Variants in GPR108 observed in about 807,000 individuals in gnomAD.
The protein encoded by GPR108 is protein GPR108.
Under a neutral mutation model 74.3 loss-of-function variants are expected in GPR108, and 60 were observed. The observed-to-expected ratio is 0.81, with a 90% confidence interval of 0.66 to 1.00. GPR108 has a LOEUF of 1.00. Among genes scored for constraint, GPR108 ranks in the 50% least tolerant of loss-of-function variants. The pLI is 0.00. For synonymous variants in GPR108, 311 were observed against 292.4 expected, an observed-to-expected ratio of 1.06 and a Z score of -0.65; for missense variants, 667 against 703.3, an observed-to-expected ratio of 0.95 and a Z score of 0.58.
intron 17 of GPR108, 150 bp downstream of exon 17, chr19:6,730,837 C>A: frequency 1.1e-6 from 1 of 950,028 alleles, no homozygotes. Flanking sequence ...CCCCCCATCT[C>A]CCCTCCATCC....
At chr19:6,736,969 G>C (rs970073935) in intron 1 of GPR108, 1 of 499,572 alleles carries the variant, frequency 2.0e-6, no homozygotes. Context: ...GGTGAGCACC[G>C]CCCGGAGAAC....
rs1968335918 is a variant in GPR108 at position 6,730,304 on chromosome 19, G to A, written c.*8C>T. 2 of 1,612,182 alleles carry A rather than the reference G, an allele frequency of 1.2e-6. No homozygotes were observed. The highest frequency in any genetic ancestry group is 1.3e-5 in the African/African-American group (1 of 74,892). On this transcript the variant is annotated 3_prime_UTR_variant, in exon 18 of 18. Transcript: ENST00000264080. ...AGGACGACCCTTTGGTCTGAGATGTGGAGGTGATCATAACAGTTCCCGCCC... is the reference window on the plus strand; with the variant it reads ...AGGACGACCCTTTGGTCTGAGATGTAGAGGTGATCATAACAGTTCCCGCCC...
At chr19:6,730,576 AACC>A in intron 17 of GPR108, 192 bp from the exon 18 acceptor site, 1 of 558,840 alleles carries the variant, frequency 1.8e-6, no homozygotes. Context: ...CTTCTACTCC[AACC>A]ACCTAGGCCC....
chr19:6,730,676 C>A, intron 17 of GPR108: 1 of 564,476 alleles, frequency 1.8e-6, no homozygotes, highest in Non-Finnish European at 3.2e-6. Context: ...CAGGCCCCAC[C>A]CGTTCTACCC....
intron 1 of GPR108, chr19:6,737,169 T>C (rs1005954456): frequency 2.3e-5 from 10 of 442,860 alleles, no homozygotes; most frequent in Non-Finnish European, 4.0e-5. Context: ...ATTCCAAGAA[T>C]TTAAAGGACT....
In GPR108 at chr19:6,734,212, T is replaced by C. The variant is rs1599545421; in HGVS notation, c.470A>G (p.Gln157Arg). 1 of 1,614,168 alleles carries C rather than the reference T, an allele frequency of 6.2e-7. No individual in the cohort carries two copies. The highest frequency in any genetic ancestry group is 1.7e-5 in the Admixed American group (1 of 60,020). ...ATCCACCTTGCGGGGGACTGTGGCC[T>C]GTGGCTTCGGGAGCCCTGGTTTGGA... ...APSKPGLPKP[Q>R]ATVPRKVDGG... Residue 157 changes from glutamine (Q) to arginine (R), a missense_variant, in exon 5 of 18, where the codon CAG (glutamine) becomes CGG (arginine). Coordinates refer to ENST00000264080, the MANE Select transcript of GPR108 (RefSeq NM_001080452.2).
Position 6,734,202 on chromosome 19 carries a change from G to C in GPR108, c.480C>G (p.Val160=), listed in dbSNP as rs768050988. The change falls in exon 5 of 18, where the codon GTC becomes GTG. Residue 160 remains valine (V), a synonymous_variant. Transcript: ENST00000264080. ...ACTCACCGCCATCCACCTTGCGGGG[G>C]ACTGTGGCCTGTGGCTTCGGGAGCC... The part of the protein sequence containing the change: ...KPGLPKPQAT[V]PRKVDGGGTS... 2 of 1,614,218 alleles carry C rather than the reference G, an allele frequency of 1.2e-6. No individual in the cohort carries two copies. Among genetic ancestry groups the C allele is most frequent in the African/African-American group, 1.3e-5 (1 of 75,068 alleles).
Position 6,732,339 on chromosome 19 carries a change from C to T in GPR108, c.1049G>A (p.Gly350Asp). 1 of 1,613,480 alleles carries T rather than the reference C, an allele frequency of 6.2e-7. No individual in the cohort carries two copies. The highest frequency in any genetic ancestry group is 8.5e-7 in the Non-Finnish European group (1 of 1,180,046). ...GTACTTGATGAAGGCCCAGCCTGAG[C>T]CAATCAGGGCGATGGTGATGAAGAG... is the stretch of plus-strand genomic sequence containing the variant. ...ALLFITIALIGSGWAFIKYVL... is the reference protein window; with the variant it reads ...ALLFITIALIDSGWAFIKYVL... The change falls in exon 12 of 18, where the codon GGC becomes GAC. Residue 350 changes from glycine to aspartate, a missense_variant. By Grantham distance (94) the Gly-to-Asp change is moderately conservative (BLOSUM62 -1). Coordinates refer to ENST00000264080, the MANE Select transcript of GPR108 (RefSeq NM_001080452.2).
At chr19:6,730,506 T>C in intron 17 of GPR108, 122 bp from the exon 18 acceptor site, 3 of 733,814 alleles carry the variant, frequency 4.1e-6, no homozygotes, top group Non-Finnish European at 2.3e-6. Context: ...CCTTGCCCAC[T>C]CTACCCCAGA....
rs765323858 is a variant in GPR108 at position 6,736,494 on chromosome 19, GA to G, written c.240+97del. ...CGAAACAGGCTCAGAGAGATGACGGGACTTGTACAAGATCACATGGGTAGCG... is the reference window on the plus strand; with the variant it reads ...CGAAACAGGCTCAGAGAGATGACGGGCTTGTACAAGATCACATGGGTAGCG... On this transcript the variant is annotated intron_variant, in intron 2 of 17. Transcript: ENST00000264080. 1.4e-5 allele frequency: 17 copies of G among 1,224,512 alleles called. No homozygotes were observed. In the East Asian group the frequency reaches 2.0e-4, roughly 15 times the overall value. The allele number at this position is 1,224,512 out of a possible 1,614,324, so 75.9% of individuals were successfully genotyped here.
chr19:6,730,565 C>A, intron 17 of GPR108, 181 bp from the exon 18 acceptor site: 1 of 610,184 alleles, frequency 1.6e-6, no homozygotes. Context: ...CAGGCCCTAC[C>A]CTTCTACTCC....
intron 4 of GPR108, 123 bp from the exon 5 acceptor site, chr19:6,734,430 G>C (rs1968549382): frequency 3.3e-6 from 3 of 911,914 alleles, no homozygotes; most frequent in Non-Finnish European, 4.9e-6. Context: ...GTCCAGTCGA[G>C]TCAGTTATCA....
Position 6,731,906 on chromosome 19 carries a change from C to A in GPR108, c.1285G>T (p.Gly429Cys). 6.2e-7 allele frequency: 1 copy of A among 1,612,648 alleles called. No homozygotes were observed. The highest frequency in any genetic ancestry group is 8.5e-7 in the Non-Finnish European group (1 of 1,179,740). Reference protein sequence around the residue: ...WSIRHLQDASGTDGKVAVNLA... With the variant: ...WSIRHLQDASCTDGKVAVNLA... ...AGGGCCTCACCCTTCCCGTCTGTGC[C>A]AGACGCATCCTGGAGATGCCGGATG... Residue 429 changes from glycine to cysteine, a missense_variant, in exon 14 of 18, where the codon GGC becomes TGC. Gly to Cys is a radical substitution (Grantham distance 159). Coordinates refer to ENST00000264080, the MANE Select transcript of GPR108 (RefSeq NM_001080452.2).
intron 1 of GPR108, 120 bp from the exon 2 acceptor site, chr19:6,736,831 A>G (rs1419968472): frequency 1.6e-5 from 22 of 1,378,404 alleles, no homozygotes; most frequent in Non-Finnish European, 1.5e-5. Context: ...GGACAGGCCC[A>G]GAGGATGACA....
chr19:6,737,199 G>A (rs78637471), intron 1 of GPR108: 3 of 503,752 alleles, frequency 6.0e-6, no homozygotes, highest in South Asian at 2.5e-5. Flanking sequence ...TTGGGGGGAA[G>A]GGGGGTGTAG....
chr19:6,735,758 T>C (rs1283194517), intron 3 of GPR108, 54 bp from the exon 4 acceptor site: 1 of 1,574,590 alleles, frequency 6.4e-7, no homozygotes, highest in African/African-American at 1.4e-5. Context: ...CTGGTCCAGC[T>C]CCACCCTGTC....
intron 10 of GPR108, 199 bp from the exon 11 acceptor site, chr19:6,732,748 T>C: frequency 4.5e-6 from 3 of 659,480 alleles, no homozygotes; most frequent in Non-Finnish European, 2.7e-6. Context: ...AAGGGGTGAA[T>C]AGTTGGACAA....
At chr19:6,734,849 A>G (rs1181924653) in intron 4 of GPR108, among the ~76,000 whole-genome samples, 2 of 7,696 alleles carry the variant, frequency 2.6e-4, no homozygotes, top group Non-Finnish European at 4.5e-4. Flanking sequence ...CCAGCCCTAC[A>G]TTATTATTAT....
At chr19:6,732,703 C>T (rs1421094288) in intron 10 of GPR108, 154 bp from the exon 11 acceptor site, 6 of 689,998 alleles carry the variant, frequency 8.7e-6, no homozygotes, top group South Asian at 5.0e-5. Context: ...AACTGGTAAT[C>T]GGGGCTGAAA....
Sources: allele counts gnomAD v4.1 joint callset (sites outside exome capture counted in the v4.1 genomes callset), GRCh38; gene constraint gnomAD v4.1.1; transcripts MANE v1.5; gene names NCBI Gene and HGNC (gene_info 2026-07-23, HGNC 2026-07-21).